UGGT1: variants seen among roughly 807,000 people sequenced by gnomAD.
UGGT1 encodes UDP-glucose glycoprotein glucosyltransferase 1, also known as UDP-glucose:glycoprotein glucosyltransferase 1.
UGGT1 carries 107 observed loss-of-function variants against 203.9 expected under a neutral mutation model. The ratio of observed to expected loss-of-function variants is 0.52; its 90% CI spans 0.45 to 0.62. The LOEUF (loss-of-function observed/expected upper bound fraction) is 0.62, where lower values mean the gene tolerates loss of function less well. UGGT1 is among the 20% of genes least tolerant of loss of function. UGGT1 has a pLI of 0.00. For missense variants in UGGT1, 1,673 were observed against 1,867.2 expected (o/e 0.90, Z 1.92); for synonymous variants, 628 against 653.5 (o/e 0.96, Z 0.59).
intron 5 of UGGT1, 93 bp downstream of exon 5, chr2:128,109,839 C>T (rs1304372492): frequency 1.7e-5 from 17 of 1,025,940 alleles, no homozygotes; most frequent in Non-Finnish European, 2.4e-5. Context: ...TGTTTTGTAT[C>T]ATTAGGTGTA....
chr2:128,167,441 T>C (rs1415067320), intron 26 of UGGT1, among the ~76,000 whole-genome samples: 3 of 152,180 alleles, frequency 2.0e-5, no homozygotes. Context: ...CCATCAGTTA[T>C]GTATATTCTT....
chr2:128,129,136 C>CT lies in UGGT1; in HGVS notation c.1335dup (p.Glu446Ter). 1 of 1,613,988 alleles carries CT rather than the reference C, an allele frequency of 6.2e-7. No homozygotes were observed. Among genetic ancestry groups the CT allele is most frequent in the Non-Finnish European group, 8.5e-7 (1 of 1,180,008 alleles). Reference sequence around the variant, plus strand: ...GTTTTGAAGCTGAACATCCAGCCCTCTGAGGCAGACTATGCCGTAGACATC... The same window carrying CT: ...GTTTTGAAGCTGAACATCCAGCCCTCTTGAGGCAGACTATGCCGTAGACATC... On this transcript the variant is annotated frameshift_variant, in exon 13 of 41. Coordinates refer to ENST00000259253, the MANE Select transcript of UGGT1 (RefSeq NM_020120.4). LOFTEE classifies it high-confidence loss of function.
chr2:128,114,939 A>C (rs1208084515), intron 6 of UGGT1, among the ~76,000 whole-genome samples, 185 bp from the exon 7 acceptor site: 1 of 152,210 alleles, frequency 6.6e-6, no homozygotes, highest in Non-Finnish European at 1.5e-5. Flanking sequence ...TTTTGGACTA[A>C]AAAAATTTGT....
chr2:128,129,273 A>G, intron 13 of UGGT1, 94 bp downstream of exon 13: 3 of 1,390,884 alleles, frequency 2.2e-6, no homozygotes, highest in Non-Finnish European at 2.9e-6. Flanking sequence ...AGTTACTCCC[A>G]CCATCTCTTT....
chr2:128,133,671 T>A (rs955975462), intron 14 of UGGT1, among the ~76,000 whole-genome samples: 3 of 152,266 alleles, frequency 2.0e-5, no homozygotes, highest in African/African-American at 7.2e-5. Context: ...TAAGACTTTA[T>A]ATTTTTTAGG....
intron 19 of UGGT1, among the ~76,000 whole-genome samples, chr2:128,154,026 T>C (rs1263164617): frequency 2.0e-5 from 3 of 151,260 alleles, no homozygotes; most frequent in Non-Finnish European, 1.5e-5. Context: ...AAACTGAAAG[T>C]TTGTTTTAGG....
chr2:128,181,045 C>A lies in UGGT1; in HGVS notation c.4056C>A (p.Asp1352Glu), dbSNP rs374352200. Residue 1352 changes from aspartate to glutamate, a missense_variant, in exon 36 of 41, where the codon GAC becomes GAA. By Grantham distance (45) the Asp-to-Glu change is conservative. Coordinates refer to ENST00000259253, the MANE Select transcript of UGGT1 (RefSeq NM_020120.4). ...FLDVLFPLVV[D>E]KFLFVDADQI... ...ATGTACTTTTCCCACTAGTTGTTGA[C>A]AAGTTCCTGTTTGTGGATGCTGATC... is the stretch of plus-strand genomic sequence containing the variant. The A allele has an allele frequency of 6.2e-7, 1 of 1,614,016 alleles. No individual in the cohort carries two copies. The highest frequency in any genetic ancestry group is 1.7e-5 in the Admixed American group (1 of 59,998).
In UGGT1 at chr2:128,121,316, T is replaced by A. The variant is rs764880622; in HGVS notation, c.1073+18T>A. On this transcript the variant is annotated intron_variant, in intron 10 of 40. Transcript: ENST00000259253. ...AAAGCCAGGTAATGTAGAATAATGC[T>A]CTTCTCCTTAACATCATACCCAGTC... 52 of 1,569,352 alleles carry A rather than the reference T, an allele frequency of 3.3e-5. No homozygotes were observed. The highest frequency in any genetic ancestry group is 4.4e-5 in the Non-Finnish European group (51 of 1,150,094).
chr2:128,096,139 C>T (rs1226554627), intron 1 of UGGT1, among the ~76,000 whole-genome samples: 1 of 152,124 alleles, frequency 6.6e-6, no homozygotes, highest in African/African-American at 2.4e-5. Flanking sequence ...AGGCTTGGAG[C>T]GGCTGCGGAG....
intron 31 of UGGT1, among the ~76,000 whole-genome samples, 197 bp from the exon 32 acceptor site, chr2:128,176,616 AG>A (rs1294310774): frequency 1.3e-5 from 2 of 151,942 alleles, no homozygotes; most frequent in Non-Finnish European, 2.9e-5. Context: ...CTCACAAAGG[AG>A]GTTTGGGCAT....
Position 128,121,240 on chromosome 2 carries a change from G to A in UGGT1, c.1015G>A (p.Val339Ile), listed in dbSNP as rs1438370419. Residue 339 changes from valine (V) to isoleucine (I), a missense_variant, in exon 10 of 41, where the codon GTT becomes ATT. By Grantham distance (29) the Val-to-Ile change is conservative (BLOSUM62 3). Coordinates refer to ENST00000259253, the MANE Select transcript of UGGT1 (RefSeq NM_020120.4). Reference sequence around the variant, plus strand: ...TGCTGCTCGAATCTTGGCTTCTCCTGTTGAGTTGGCTTTGGTTGTCATGAA... The same window carrying A: ...TGCTGCTCGAATCTTGGCTTCTCCTATTGAGTTGGCTTTGGTTGTCATGAA... ...QTAARILASP[V>I]ELALVVMKDL... The A allele has an allele frequency of 9.3e-6, 15 of 1,613,562 alleles. No individual in the cohort carries two copies. The highest frequency in any genetic ancestry group is 1.3e-5 in the Non-Finnish European group (15 of 1,179,942).
At chr2:128,108,605 T>C (rs1687711614) in intron 4 of UGGT1, among the ~76,000 whole-genome samples, 2 of 152,200 alleles carry the variant, frequency 1.3e-5, no homozygotes, top group South Asian at 4.1e-4. Context: ...CAACTTGATA[T>C]TTGATATAAA....
Position 128,189,942 on chromosome 2 carries a change from A to T in UGGT1, c.*200A>T. The T allele has an allele frequency of 1.8e-6, 1 of 548,166 alleles. No homozygotes were observed. The highest frequency in any genetic ancestry group is 3.2e-6 in the Non-Finnish European group (1 of 311,266). The allele number at this position is 548,166 out of a possible 1,614,324, so 34.0% of individuals were successfully genotyped here. ...GGGATTAAAGCTCTGTTGGATTTGTACCTCAGAGGAAGACCAAGTGGCTGA... is the reference window on the plus strand; with the variant it reads ...GGGATTAAAGCTCTGTTGGATTTGTTCCTCAGAGGAAGACCAAGTGGCTGA... On this transcript the variant is annotated 3_prime_UTR_variant, in exon 41 of 41. Coordinates refer to ENST00000259253, the MANE Select transcript of UGGT1 (RefSeq NM_020120.4).
intron 13 of UGGT1, among the ~76,000 whole-genome samples, chr2:128,129,834 C>CTATTGAAAA (rs1189131086): frequency 6.6e-6 from 1 of 152,180 alleles, no homozygotes. Flanking sequence ...ATTAAAACTA[C>CTATTGAAAA]TATTGAAAAT....
rs149582047 is a variant in UGGT1, at chr2:128,100,675, G to A, written c.194+3111G>A. 8.6e-5 allele frequency among the ~76,000 whole-genome samples: 13 copies of A among 151,466 alleles called. 1 individual carries two copies. In the East Asian group the frequency reaches 2.1e-3, roughly 25 times the overall value. On this transcript the variant is annotated intron_variant, in intron 2 of 40. Transcript: ENST00000259253. ...CACCTCAGGTGATCCACCCATCTCG[G>A]CCTCCCAAAGTGCTGGGATTACAGG...
At chr2:128,113,549 G>T (rs959974886) in intron 6 of UGGT1, among the ~76,000 whole-genome samples, 3 of 152,102 alleles carry the variant, frequency 2.0e-5, no homozygotes, top group South Asian at 2.1e-4. Context: ...TCATACTATG[G>T]AACTGATTGT....
At chr2:128,101,764 CTG>C (rs1687385093) in intron 2 of UGGT1, among the ~76,000 whole-genome samples, 1 of 152,178 alleles carries the variant, frequency 6.6e-6, no homozygotes, top group African/African-American at 2.4e-5. Context: ...AGCTTAGTGA[CTG>C]TAACATCGTA....
At chr2:128,172,160 C>T (rs1273899297) in intron 28 of UGGT1, among the ~76,000 whole-genome samples, 1 of 152,178 alleles carries the variant, frequency 6.6e-6, no homozygotes, top group East Asian at 1.9e-4. Context: ...AAAAATGAGT[C>T]CTCCTTGAAG....
At chr2:128,170,559 C>T (rs1166877645) in intron 27 of UGGT1, among the ~76,000 whole-genome samples, 169 bp downstream of exon 27, 1 of 152,198 alleles carries the variant, frequency 6.6e-6, no homozygotes, top group Non-Finnish European at 1.5e-5. Flanking sequence ...GGCTGTGAAA[C>T]AGCCTCACAG....
Sources: allele counts gnomAD v4.1 joint callset (sites outside exome capture counted in the v4.1 genomes callset), GRCh38; gene constraint gnomAD v4.1.1; transcripts MANE v1.5; gene names NCBI Gene and HGNC (gene_info 2026-07-23, HGNC 2026-07-21).